The following SDK1 variants were observed in gnomAD, a reference collection of about 807,000 sequenced individuals.
SDK1 encodes the protein protein sidekick-1.
A neutral mutation model predicts 245.5 loss-of-function variants in SDK1; 157 were observed. That is an observed-to-expected ratio of 0.64 (90% confidence interval 0.56 to 0.73). The LOEUF is 0.73. SDK1 is among the 30% of genes least tolerant of loss of function. The pLI is 0.00. For synonymous variants in SDK1, 1,647 were observed against 1,278.5 expected (o/e 1.29, Z -6.15); for missense variants, 3,583 against 3,002.3 (o/e 1.19, Z -4.52).
rs773452342 is a variant in SDK1 at position 4,175,817 on chromosome 7, C to G, written c.4979C>G (p.Thr1660Arg). 3.1e-6 allele frequency: 5 copies of G among 1,613,702 alleles called. No homozygotes were observed. The highest frequency in any genetic ancestry group is 4.2e-6 in the Non-Finnish European group (5 of 1,179,982). ...FKTVNSSSTS[T>R]MCELTHLKKY... Reference sequence around the variant, plus strand: ...ACGGTGAACAGCAGCTCCACATCGACGATGTGTGAACTAACACGTAAGTGC... The same window carrying G: ...ACGGTGAACAGCAGCTCCACATCGAGGATGTGTGAACTAACACGTAAGTGC... Residue 1660 changes from threonine (T) to arginine (R), a missense_variant, in exon 34 of 45, where the codon ACG becomes AGG. Coordinates refer to ENST00000404826, the MANE Select transcript of SDK1 (RefSeq NM_152744.4).
At chr7:3,556,340 G>C (rs188350359) in intron 1 of SDK1, among the ~76,000 whole-genome samples, 197 of 152,270 alleles carry the variant, frequency 1.3e-3, no homozygotes, top group African/African-American at 4.5e-3. Context: ...ATTTATGGGA[G>C]CTAAGAAAAG....
rs79542518 is a variant in SDK1 at position 3,895,193 on chromosome 7, A to G, written c.848-55730A>G. ...GTAGTAATTAAGGGGCTTGGTACCC[A>G]TAGAGTCATCTCATCATCACTGTAA... On this transcript the variant is annotated intron_variant, in intron 5 of 44. Transcript: ENST00000404826. Among the ~76,000 whole-genome samples, 727 of 152,328 alleles carry G rather than the reference A, an allele frequency of 4.8e-3. 6 individuals carry two copies. Among genetic ancestry groups the G allele is most frequent in the African/African-American group, 0.016 (676 of 41,574 alleles).
chr7:3,780,862 G>C (rs1780710475), intron 4 of SDK1, among the ~76,000 whole-genome samples: 1 of 152,078 alleles, frequency 6.6e-6, no homozygotes, highest in African/African-American at 2.4e-5. Flanking sequence ...CTAGCCAGGA[G>C]ACTCCCAGCT....
intron 25 of SDK1, among the ~76,000 whole-genome samples, chr7:4,115,460 C>T (rs2128192307): frequency 6.6e-6 from 1 of 152,306 alleles, no homozygotes; most frequent in Admixed American, 6.5e-5. Context: ...ATCCATTTTG[C>T]TTATTGATGT....
chr7:3,907,198 A>G (rs1778981525), intron 5 of SDK1, among the ~76,000 whole-genome samples: 1 of 152,210 alleles, frequency 6.6e-6, no homozygotes, highest in African/African-American at 2.4e-5. Flanking sequence ...CATTAATTAC[A>G]TGCACATTGT....
chr7:4,146,544 C>T (rs747371665), intron 29 of SDK1, among the ~76,000 whole-genome samples: 4 of 152,244 alleles, frequency 2.6e-5, no homozygotes, highest in Non-Finnish European at 5.9e-5. Context: ...ATATGTGAGA[C>T]GGTCTCAGGT....
Position 3,653,156 on chromosome 7 carries a change from A to G in SDK1, c.713+11051A>G, listed in dbSNP as rs190829894. ...AGGGAATCAGCGAATGCTTGAGTGC[A>G]GGTGGATCAGCAGACAGATTACTGA... is the stretch of plus-strand genomic sequence containing the variant. On this transcript the variant is annotated intron_variant, in intron 4 of 44. Coordinates refer to ENST00000404826, the MANE Select transcript of SDK1 (RefSeq NM_152744.4). 5.3e-5 allele frequency among the ~76,000 whole-genome samples: 8 copies of G among 152,294 alleles called. No individual in the cohort carries two copies. In the East Asian group the frequency reaches 7.7e-4, roughly 15 times the overall value.
intron 17 of SDK1, among the ~76,000 whole-genome samples, chr7:4,028,397 C>T (rs1787527463): frequency 6.6e-6 from 1 of 152,228 alleles, no homozygotes; most frequent in African/African-American, 2.4e-5. Flanking sequence ...CCGTGAACCA[C>T]AGCATGTGAC....
intron 4 of SDK1, among the ~76,000 whole-genome samples, chr7:3,661,886 T>TG (rs1203945626): frequency 2.0e-5 from 3 of 152,038 alleles, no homozygotes; most frequent in Non-Finnish European, 2.9e-5. Context: ...ATAGCATGGC[T>TG]GAGGGGGTTA....
At chr7:3,454,186 C>G (rs1465870444) in intron 1 of SDK1, among the ~76,000 whole-genome samples, 6 of 151,938 alleles carry the variant, frequency 3.9e-5, no homozygotes, top group Non-Finnish European at 1.5e-5. Context: ...TTGGAGGCAC[C>G]ATACAGTAAG....
At chr7:4,222,315 G>A (rs180775191) in intron 40 of SDK1, among the ~76,000 whole-genome samples, 3 of 152,086 alleles carry the variant, frequency 2.0e-5, no homozygotes, top group Admixed American at 2.0e-4. Context: ...ATTTTTTTGA[G>A]ACAGAGTCTC....
At chr7:3,586,931 T>C (rs1279347098) in intron 1 of SDK1, among the ~76,000 whole-genome samples, 1 of 152,096 alleles carries the variant, frequency 6.6e-6, no homozygotes, top group East Asian at 1.9e-4. Flanking sequence ...GAGATTTTTT[T>C]GGTAAGCGTT....
intron 1 of SDK1, among the ~76,000 whole-genome samples, chr7:3,608,286 C>T (rs1243551497): frequency 6.6e-6 from 1 of 152,128 alleles, no homozygotes; most frequent in Non-Finnish European, 1.5e-5. Flanking sequence ...CCAAAATGTG[C>T]CGGTTGTCTC....
chr7:3,960,611 C>A (rs191337062), intron 8 of SDK1, among the ~76,000 whole-genome samples: 3 of 152,338 alleles, frequency 2.0e-5, no homozygotes, highest in Non-Finnish European at 4.4e-5. Context: ...TGCTTTGTAA[C>A]CACTGCTCCT....
intron 29 of SDK1, among the ~76,000 whole-genome samples, chr7:4,148,920 G>C (rs1780166510): frequency 6.6e-6 from 1 of 152,192 alleles, no homozygotes; most frequent in Admixed American, 6.5e-5. Flanking sequence ...GCTGGGCGTG[G>C]TGGTGCACAC....
chr7:3,401,322 T>C (rs1778881633), intron 1 of SDK1, among the ~76,000 whole-genome samples: 1 of 152,194 alleles, frequency 6.6e-6, no homozygotes, highest in African/African-American at 2.4e-5. Flanking sequence ...AGGTAACTGA[T>C]AACTTGGAAG....
At chr7:3,414,729 C>G (rs1173367659) in intron 1 of SDK1, among the ~76,000 whole-genome samples, 1 of 152,198 alleles carries the variant, frequency 6.6e-6, no homozygotes, top group Non-Finnish European at 1.5e-5. Context: ...CCTGCGCTCA[C>G]TAGCAATTCC....
At chr7:4,074,856 T>TACTTTCTCGCTCTCTCTC (rs1486926440) in intron 20 of SDK1, among the ~76,000 whole-genome samples, 1 of 72,332 alleles carries the variant, frequency 1.4e-5, no homozygotes, top group Non-Finnish European at 2.5e-5. Flanking sequence ...GAGCAAGACT[T>TACTTTCTCGCTCTCTCTC]TCTCTCTCTC....
chr7:4,222,577 G>A (rs1785205082), intron 40 of SDK1, among the ~76,000 whole-genome samples: 1 of 152,196 alleles, frequency 6.6e-6, no homozygotes, highest in South Asian at 2.1e-4. Context: ...TTACAGGCCT[G>A]AGCCACGGTG....
Sources: gnomAD v4.1 joint callset for allele counts (sites outside exome capture counted in the v4.1 genomes callset) on GRCh38, gnomAD v4.1.1 for gene constraint, MANE v1.5 for transcripts, NCBI Gene and HGNC (gene_info 2026-07-23, HGNC 2026-07-21) for gene names.